Variants in PSME4 observed in about 807,000 individuals in gnomAD.
The protein encoded by PSME4 is proteasome activator subunit 4.
In PSME4, 89 loss-of-function variants were observed where a neutral mutation model predicts 253.9. That is an observed-to-expected ratio of 0.35 (90% CI 0.30 to 0.42). The LOEUF is 0.42. Among genes scored for constraint, PSME4 ranks in the 10% least tolerant of loss-of-function variants. The pLI, the probability that PSME4 is intolerant of heterozygous loss-of-function variation, is 1.00. For synonymous variants in PSME4, 851 were observed against 759.2 expected (o/e 1.12, Z -1.99); for missense variants, 2,014 against 2,195.2 (o/e 0.92, Z 1.65).
intron 34 of PSME4, among the ~76,000 whole-genome samples, 188 bp downstream of exon 34, chr2:53,894,819 T>C (rs79436269): frequency 0.045 from 6,876 of 152,210 alleles, 222 homozygotes; most frequent in South Asian, 0.077. Context: ...AACATCTATG[T>C]CAACTGGCAC....
chr2:53,902,227 G>T (rs916146755), intron 27 of PSME4, among the ~76,000 whole-genome samples: 3 of 152,140 alleles, frequency 2.0e-5, no homozygotes, highest in Admixed American at 2.0e-4. Context: ...CTGAAGTTTG[G>T]TGTTTGAAAT....
chr2:53,927,157 GA>G (rs1352952835), intron 12 of PSME4, among the ~76,000 whole-genome samples: 1 of 152,116 alleles, frequency 6.6e-6, no homozygotes, highest in Non-Finnish European at 1.5e-5. Context: ...ACATAAAACT[GA>G]AATACACCTC....
In PSME4 at chr2:53,873,937, CAT is replaced by C. The variant is rs147271023; in HGVS notation, c.5100+400_5100+401del. ...ATGATTAGGGTATCAAAATTACTCA[CAT>C]AGGGCTATGTTAAAATTAAAGTTAT... On this transcript the variant is annotated intron_variant, in intron 43 of 46. Transcript: ENST00000404125. 7.0e-3 allele frequency among the ~76,000 whole-genome samples: 1,062 copies of C among 152,264 alleles called. 12 individuals carry two copies. The highest frequency in any genetic ancestry group is 0.024 in the African/African-American group (981 of 41,548).
At chr2:53,949,680 T>C (rs903354230) in intron 1 of PSME4, among the ~76,000 whole-genome samples, 1 of 152,018 alleles carries the variant, frequency 6.6e-6, no homozygotes, top group African/African-American at 2.4e-5. Context: ...TCCAAAGTAA[T>C]CAAACTCATA....
chr2:53,885,818 T>G (rs1382137374), intron 40 of PSME4, 43 bp from the exon 41 acceptor site: 4 of 1,391,746 alleles, frequency 2.9e-6, no homozygotes, highest in Non-Finnish European at 4.1e-6. Context: ...TTGCCATTCA[T>G]TTACAGACCA....
At chr2:53,906,194 T>G (rs1356126897) in intron 26 of PSME4, among the ~76,000 whole-genome samples, 1 of 152,208 alleles carries the variant, frequency 6.6e-6, no homozygotes, top group East Asian at 1.9e-4. Context: ...AACCCAAGCT[T>G]AATGTCTAGG....
intron 3 of PSME4, among the ~76,000 whole-genome samples, chr2:53,940,703 A>C (rs1296038548): frequency 6.6e-6 from 1 of 151,278 alleles, no homozygotes; most frequent in Non-Finnish European, 1.5e-5. Context: ...AATATTTACT[A>C]GATCATAGTC....
At chr2:53,865,961 A>C (rs1450890673) in intron 46 of PSME4, 124 bp downstream of exon 46, 9 of 1,047,242 alleles carry the variant, frequency 8.6e-6, no homozygotes, top group Non-Finnish European at 1.2e-5. Context: ...AAAAACAAAC[A>C]ATCCCCGCCA....
chr2:53,952,524 C>A (rs926652262), intron 1 of PSME4, among the ~76,000 whole-genome samples: 1 of 152,132 alleles, frequency 6.6e-6, no homozygotes, highest in East Asian at 1.9e-4. Context: ...GCCTGGGCAA[C>A]AGAGAGAGAC....
At chr2:53,970,126 A>G (rs969650162) in intron 1 of PSME4, among the ~76,000 whole-genome samples, 1 of 152,200 alleles carries the variant, frequency 6.6e-6, no homozygotes, top group African/African-American at 2.4e-5. Flanking sequence ...AACCGGAGGA[A>G]GCAAGGAGAC....
At position 53,866,141 on chromosome 2, in the gene PSME4, T is replaced by C. The variant is rs1246932334; in HGVS notation, c.5480A>G (p.Asp1827Gly). 1 of 1,613,276 alleles carries C rather than the reference T, an allele frequency of 6.2e-7. No individual in the cohort carries two copies. The highest frequency in any genetic ancestry group is 8.5e-7 in the Non-Finnish European group (1 of 1,179,192). ...WQEHKQQFTD[D>G]QLLVLTDLLV... ...AAGATCGGTGAGAACAAGCAGTTGGTCATCAGTGAATTGCTGTTTATGTTC... is the reference window on the plus strand; with the variant it reads ...AAGATCGGTGAGAACAAGCAGTTGGCCATCAGTGAATTGCTGTTTATGTTC... The change falls in exon 46 of 47, where the codon GAC (aspartate) becomes GGC (glycine). Residue 1827 changes from aspartate (D) to glycine (G), a missense_variant. Coordinates refer to ENST00000404125, the MANE Select transcript of PSME4 (RefSeq NM_014614.3).
intron 3 of PSME4, among the ~76,000 whole-genome samples, chr2:53,945,703 T>G (rs1669669330): frequency 6.6e-6 from 1 of 152,214 alleles, no homozygotes; most frequent in African/African-American, 2.4e-5. Flanking sequence ...GAGTTTAAAA[T>G]TTGAAAGACA....
At chr2:53,936,694 A>G in intron 6 of PSME4, 70 bp downstream of exon 6, 1 of 1,132,884 alleles carries the variant, frequency 8.8e-7, no homozygotes, top group Non-Finnish European at 1.2e-6. Context: ...TCTCCAAATT[A>G]AAAAAGTATG....
Position 53,901,375 on chromosome 2 carries a change from T to C in PSME4, c.3260A>G (p.Tyr1087Cys), listed in dbSNP as rs1680391400. 1 of 1,613,976 alleles carries C rather than the reference T, an allele frequency of 6.2e-7. No individual in the cohort carries two copies. The highest frequency in any genetic ancestry group is 8.5e-7 in the Non-Finnish European group (1 of 1,179,798). The change falls in exon 28 of 47, where the codon TAT becomes TGT. Residue 1087 changes from tyrosine (Y) to cysteine (C), a missense_variant. By Grantham distance (194) the Tyr-to-Cys change is radical. Transcript: ENST00000404125. Reference sequence around the variant, plus strand: ...TGTGAAGTCCAAGCCAATTGTTTCATACTGCCTATGAATCTTTTCTGCAAG... The same window carrying C: ...TGTGAAGTCCAAGCCAATTGTTTCACACTGCCTATGAATCTTTTCTGCAAG... ...DDLAEKIHRQ[Y>C]ETIGLDFTIP...
chr2:53,889,883 C>T (rs575566580), intron 37 of PSME4, among the ~76,000 whole-genome samples: 1 of 152,204 alleles, frequency 6.6e-6, no homozygotes, highest in Non-Finnish European at 1.5e-5. Context: ...TCTCCAATTA[C>T]ATAAGATGAC....
chr2:53,908,083 C>T, intron 24 of PSME4: 1 of 453,030 alleles, frequency 2.2e-6, no homozygotes, highest in Non-Finnish European at 3.9e-6. Flanking sequence ...GTCCAAATTC[C>T]CATTGAGAGT....
chr2:53,900,034 A>C lies in PSME4; in HGVS notation c.3286-17T>G, dbSNP rs1680323409. 6.2e-7 allele frequency: 1 copy of C among 1,606,040 alleles called. No homozygotes were observed. Among genetic ancestry groups the C allele is most frequent in the Non-Finnish European group, 8.5e-7 (1 of 1,177,036 alleles). ...CTTTGGAATCTTGTTAAAAAGAAAA[A>C]AGCAGGAAAAAAAATGAAGTTCTGA... On this transcript the variant is annotated splice_polypyrimidine_tract_variant and intron_variant, in intron 28 of 46. Coordinates refer to ENST00000404125, the MANE Select transcript of PSME4 (RefSeq NM_014614.3).
rs2104442797 is a variant in PSME4, at chr2:53,910,092, T to C, written c.2555A>G (p.Tyr852Cys). 1 of 1,608,988 alleles carries C rather than the reference T, an allele frequency of 6.2e-7. No individual in the cohort carries two copies. Among genetic ancestry groups the C allele is most frequent in the South Asian group, 1.1e-5 (1 of 90,978 alleles). The change falls in exon 21 of 47, where the codon TAT becomes TGT. Residue 852 changes from tyrosine to cysteine, a missense_variant. Coordinates refer to ENST00000404125, the MANE Select transcript of PSME4 (RefSeq NM_014614.3). ...SMVSLEETKLYTGLEYDLSRE... is the reference protein window; with the variant it reads ...SMVSLEETKLCTGLEYDLSRE... ...TCACATACCATATTCAAGTCCAGTA[T>C]ACAACTTTGTCTCTTCCAAGGACAC...
intron 12 of PSME4, 83 bp from the exon 13 acceptor site, chr2:53,926,106 C>A (rs1668545215): frequency 9.5e-7 from 1 of 1,049,950 alleles, no homozygotes; most frequent in Non-Finnish European, 1.5e-6. Flanking sequence ...TATTGCCTGC[C>A]AAATGTATCC....
Sources: gnomAD v4.1 joint callset for allele counts (sites outside exome capture counted in the v4.1 genomes callset) on GRCh38, gnomAD v4.1.1 for gene constraint, MANE v1.5 for transcripts, NCBI Gene and HGNC (gene_info 2026-07-23, HGNC 2026-07-21) for gene names.